INTS1: variants seen among roughly 807,000 people sequenced by gnomAD.
INTS1 encodes integrator complex subunit 1.
A neutral mutation model predicts 241.6 loss-of-function variants in INTS1; 137 were observed. The ratio of observed to expected loss-of-function variants is 0.57; its 90% CI spans 0.49 to 0.65. The LOEUF (loss-of-function observed/expected upper bound fraction) is 0.65. Ranked by LOEUF, INTS1 falls within the 30% of genes least tolerant of loss-of-function variation. The pLI, the probability that INTS1 is intolerant of heterozygous loss-of-function variation, is 0.00. For missense variants in INTS1, 3,073 were observed against 3,032.2 expected (o/e 1.01, Z -0.32); for synonymous variants, 1,692 against 1,337.8 (o/e 1.26, Z -5.78).
At chr7:1,486,829 C>A in intron 21 of INTS1, 55 bp from the exon 22 acceptor site, 1 of 1,442,072 alleles carries the variant, frequency 6.9e-7, no homozygotes, top group Non-Finnish European at 9.3e-7. Flanking sequence ...GCGGGTAGGA[C>A]GTGGGGTGCG....
Position 1,499,958 on chromosome 7 carries a change from C to G in INTS1, c.610G>C (p.Val204Leu). The G allele has an allele frequency of 1.9e-6, 3 of 1,613,704 alleles. No homozygotes were observed. Among genetic ancestry groups the G allele is most frequent in the Non-Finnish European group, 2.5e-6 (3 of 1,179,862 alleles). ...AGGAGGTTACAGGCCAGCACAGACA[C>G]CAGGCTGTTCCCCTTGGCCTTGAAG... ...INFKAKGNSL[V>L]SVLACNLLMA... The change falls in exon 5 of 48, where the codon GTG becomes CTG. Residue 204 changes from valine (V) to leucine (L), a missense_variant. Physicochemically the swap from Val to Leu is conservative, Grantham distance 32. Coordinates refer to ENST00000404767, the MANE Select transcript of INTS1 (RefSeq NM_001080453.3).
chr7:1,475,921 CG>C (rs1781692873), intron 39 of INTS1, 26 bp downstream of exon 39: 3 of 1,524,448 alleles, frequency 2.0e-6, no homozygotes, highest in Non-Finnish European at 1.8e-6. Flanking sequence ...GGGACGGCGG[CG>C]GGGAGCGGCA....
In INTS1 at chr7:1,497,162, C is replaced by G; in HGVS notation, c.1578G>C (p.Pro526=). 1 of 1,607,596 alleles carries G rather than the reference C, an allele frequency of 6.2e-7. No homozygotes were observed. Among genetic ancestry groups the G allele is most frequent in the Non-Finnish European group, 8.5e-7 (1 of 1,177,810 alleles). The change falls in exon 11 of 48, where the codon CCG becomes CCC. Residue 526 remains proline, a synonymous_variant. Coordinates refer to ENST00000404767, the MANE Select transcript of INTS1 (RefSeq NM_001080453.3). This position sits in a 1 kb window ranked among gnomAD's most constrained non-coding sequence, Gnocchi z 5.3. ...CLGLMQERKE[P]QYLEMEFKER... ...CCTTGAACTCCATCTCCAGGTACTG[C>G]GGCTCCTTGCGCTCCTGCATGAGCC...
intron 13 of INTS1, 132 bp from the exon 14 acceptor site, chr7:1,495,025 G>T: frequency 9.7e-7 from 1 of 1,028,430 alleles, no homozygotes; most frequent in Non-Finnish European, 1.4e-6. Flanking sequence ...CCCAAGCTCA[G>T]CACCTCCTCA....
chr7:1,476,960 A>C, intron 35 of INTS1, 42 bp from the exon 36 acceptor site: 1 of 1,584,036 alleles, frequency 6.3e-7, no homozygotes, highest in Non-Finnish European at 8.6e-7. Flanking sequence ...CACCTGGGCC[A>C]ATGGCAGGCT....
chr7:1,500,759 C>A, intron 3 of INTS1: 2 of 185,408 alleles, frequency 1.1e-5, no homozygotes, highest in South Asian at 1.7e-4. Flanking sequence ...GCACCCACCC[C>A]AGCTCCAGTC....
chr7:1,495,651 G>A (rs1583152030), intron 12 of INTS1, 98 bp from the exon 13 acceptor site: 1 of 1,442,114 alleles, frequency 6.9e-7, no homozygotes, highest in Non-Finnish European at 9.3e-7. Flanking sequence ...ACTTGGGAGG[G>A]GGTAACTCAG....
chr7:1,493,153 T>A lies in INTS1; in HGVS notation c.2069-47A>T. The A allele has an allele frequency of 2.1e-5, 30 of 1,438,634 alleles. No homozygotes were observed. The highest frequency in any genetic ancestry group is 2.7e-5 in the Non-Finnish European group (28 of 1,048,464). The allele number at this position is 1,438,634 out of a possible 1,614,324, so 89.1% of individuals were successfully genotyped here. ...GGGTTCTGGGGCTGCTCACAGACCA[T>A]CAGGCACAGGCAGCGAGGGAACCGG... On this transcript the variant is annotated intron_variant, in intron 15 of 47. Transcript: ENST00000404767. The surrounding 1 kb of genome is among the most constrained non-coding windows in gnomAD (Gnocchi z 5.3).
Position 1,480,309 on chromosome 7 carries a change from A to T in INTS1, c.4074+8T>A. On this transcript the variant is annotated splice_region_variant and intron_variant, in intron 30 of 47. Transcript: ENST00000404767. ...CAGGTGGAGACCCACATGCAGCAGC[A>T]ACGCTACCTGGAGGAACATGCCAGC... The T allele has an allele frequency of 6.3e-7, 1 of 1,598,934 alleles. No individual in the cohort carries two copies. The highest frequency in any genetic ancestry group is 1.1e-5 in the South Asian group (1 of 90,284).
At chr7:1,472,603 T>C (rs896271477) in intron 43 of INTS1, among the ~76,000 whole-genome samples, 1 of 152,066 alleles carries the variant, frequency 6.6e-6, no homozygotes, top group African/African-American at 2.4e-5. Flanking sequence ...GCTGGGTTTC[T>C]CGCAATGTGG....
At chr7:1,485,001 C>T in intron 24 of INTS1, 97 bp downstream of exon 24, 1 of 571,746 alleles carries the variant, frequency 1.7e-6, no homozygotes, top group East Asian at 3.0e-5. Flanking sequence ...CCCAGGGCCA[C>T]ACTGCCGGCT....
At chr7:1,498,391 G>A (rs1286182546) in intron 10 of INTS1, 21 bp downstream of exon 10, 2 of 1,612,786 alleles carry the variant, frequency 1.2e-6, no homozygotes, top group African/African-American at 1.3e-5. Context: ...TGGAGGGCAA[G>A]GCCAGGGACC....
chr7:1,486,706 C>G lies in INTS1; in HGVS notation c.2895G>C (p.Glu965Asp). Reference protein sequence around the residue: ...QDLLLGPKADEQTTCEVLDYF... With the variant: ...QDLLLGPKADDQTTCEVLDYF... ...AGTCCAGCACCTCACACGTGGTCTG[C>G]TCATCAGCCTTCGGGCCCAGTAGCA... The change falls in exon 22 of 48, where the codon GAG becomes GAC. Residue 965 changes from glutamate (E) to aspartate (D), a missense_variant. Physicochemically the swap from Glu to Asp is conservative, Grantham distance 45. Transcript: ENST00000404767. 1 of 1,612,724 alleles carries G rather than the reference C, an allele frequency of 6.2e-7. No homozygotes were observed. The highest frequency in any genetic ancestry group is 8.5e-7 in the Non-Finnish European group (1 of 1,179,810).
At chr7:1,472,908 T>TCGTCC (rs1222661305) in intron 43 of INTS1, among the ~76,000 whole-genome samples, 164 bp downstream of exon 43, 1 of 152,184 alleles carries the variant, frequency 6.6e-6, no homozygotes, top group Non-Finnish European at 1.5e-5. Context: ...AGTCAGTGCT[T>TCGTCC]CGTCCCCTTG....
intron 42 of INTS1, among the ~76,000 whole-genome samples, 160 bp from the exon 43 acceptor site, chr7:1,473,344 G>A (rs1781562189): frequency 6.6e-6 from 1 of 152,212 alleles, no homozygotes; most frequent in African/African-American, 2.4e-5. Context: ...ACATGTGCGT[G>A]GAACGGGACA....
Position 1,497,497 on chromosome 7 carries a change from ATC to A in INTS1, c.1426-185_1426-184del, listed in dbSNP as rs763754450. ...CCAGCCCTTGGCGAGCAGGGATCAC[ATC>A]TGATTCCCCTCTCTGAGAACCGGCA... On this transcript the variant is annotated intron_variant, in intron 10 of 47. Coordinates refer to ENST00000404767, the MANE Select transcript of INTS1 (RefSeq NM_001080453.3). The surrounding 1 kb of genome is among the most constrained non-coding windows in gnomAD (Gnocchi z 5.3). Among the ~76,000 whole-genome samples the A allele has an allele frequency of 6.3e-4, 96 of 152,116 alleles. No individual in the cohort carries two copies. The highest frequency in any genetic ancestry group is 2.6e-4 in the Non-Finnish European group (18 of 68,016).
chr7:1,475,278 G>A (rs1368375013), intron 39 of INTS1, among the ~76,000 whole-genome samples: 2 of 152,010 alleles, frequency 1.3e-5, no homozygotes, highest in Non-Finnish European at 2.9e-5. Flanking sequence ...CCAGCTACTC[G>A]GGAGGCTGAG....
intron 35 of INTS1, among the ~76,000 whole-genome samples, 176 bp downstream of exon 35, chr7:1,477,374 T>A (rs889450281): frequency 6.6e-6 from 1 of 151,882 alleles, no homozygotes; most frequent in Non-Finnish European, 1.5e-5. Flanking sequence ...TGGGTTCTGC[T>A]AGGGCCATTG....
chr7:1,475,313 G>C (rs948070849), intron 39 of INTS1, among the ~76,000 whole-genome samples: 7 of 152,080 alleles, frequency 4.6e-5, no homozygotes, highest in Non-Finnish European at 7.4e-5. Context: ...TGAGCACAGG[G>C]GGTTGAGGCT....
Sources: gnomAD v4.1 joint callset for allele counts (sites outside exome capture counted in the v4.1 genomes callset) on GRCh38, gnomAD v4.1.1 for gene constraint, Gnocchi (gnomAD v3.1) non-coding constraint, MANE v1.5 for transcripts, NCBI Gene and HGNC (gene_info 2026-07-23, HGNC 2026-07-21) for gene names.